SLC4A4: variants seen among roughly 807,000 people sequenced by gnomAD.
SLC4A4 encodes the protein solute carrier family 4 member 4.
In SLC4A4, 27 loss-of-function variants were observed where a neutral mutation model predicts 111.5. The ratio of observed to expected loss-of-function variants is 0.24; its 90% CI spans 0.18 to 0.33. The LOEUF (loss-of-function observed/expected upper bound fraction) is 0.33, where lower values mean the gene tolerates loss of function less well. Ranked by LOEUF, SLC4A4 falls within the 10% of genes least tolerant of loss-of-function variation. SLC4A4 has a pLI of 1.00. For synonymous variants in SLC4A4, 443 were observed against 463.4 expected (o/e 0.96, Z 0.57); for missense variants, 909 against 1,315.5 (o/e 0.69, Z 4.78).
chr4:71,140,073 AAGC>A (rs1743953682), intron 2 of SLC4A4, among the ~76,000 whole-genome samples: 1 of 152,052 alleles, frequency 6.6e-6, no homozygotes, highest in Admixed American at 6.5e-5. Flanking sequence ...TTTTCTAGTG[AAGC>A]TATTTTTAAA....
chr4:71,324,704 T>G (rs1013746281), intron 3 of SLC4A4, among the ~76,000 whole-genome samples: 1 of 152,074 alleles, frequency 6.6e-6, no homozygotes, highest in African/African-American at 2.4e-5. Flanking sequence ...TCTAAGTATC[T>G]TATAGATATG....
intron 1 of SLC4A4, among the ~76,000 whole-genome samples, chr4:71,220,704 TTTTA>T (rs1232800393): frequency 6.6e-6 from 1 of 152,060 alleles, no homozygotes; most frequent in Non-Finnish European, 1.5e-5. Context: ...TTTTATTTTA[TTTTA>T]TTTATTTTTT....
In SLC4A4 at chr4:71,569,944, A is replaced by T. The variant is rs1486510552; in HGVS notation, c.*2193A>T. On this transcript the variant is annotated 3_prime_UTR_variant, in exon 26 of 26. Coordinates refer to ENST00000264485, the MANE Select transcript of SLC4A4 (RefSeq NM_001098484.3). ...TGCCAAATTCTGGCTTCACATTTGT[A>T]TTTAGGGCTATCCTTAAAATGATGA... The T allele has an allele frequency of 6.6e-6, 1 of 151,722 alleles. No homozygotes were observed. Among genetic ancestry groups the T allele is most frequent in the Non-Finnish European group, 1.5e-5 (1 of 67,788 alleles). 9.4% of individuals were successfully genotyped at this position (151,722 alleles called of 1,614,324 possible).
At chr4:71,327,374 C>A (rs1727582787) in intron 3 of SLC4A4, among the ~76,000 whole-genome samples, 1 of 151,818 alleles carries the variant, frequency 6.6e-6, no homozygotes, top group African/African-American at 2.4e-5. Flanking sequence ...TGAGATTAAC[C>A]ATTAGAGTGT....
intron 3 of SLC4A4, among the ~76,000 whole-genome samples, chr4:71,310,149 G>C (rs1173370634): frequency 1.3e-5 from 2 of 151,882 alleles, no homozygotes; most frequent in Admixed American, 1.3e-4. Flanking sequence ...GAATGAAAAG[G>C]AATGAACAAA....
chr4:71,302,720 A>G (rs566895186), intron 3 of SLC4A4, among the ~76,000 whole-genome samples: 1 of 152,322 alleles, frequency 6.6e-6, no homozygotes, highest in South Asian at 2.1e-4. Flanking sequence ...CATCATTTCA[A>G]TGGTGACCTT....
At chr4:71,435,826 A>AT (rs1321720668) in intron 7 of SLC4A4, among the ~76,000 whole-genome samples, 11 of 152,266 alleles carry the variant, frequency 7.2e-5, no homozygotes, top group African/African-American at 2.4e-4. Context: ...ATCACTGGTC[A>AT]TTAAAGAAAT....
At chr4:71,234,977 AG>A (rs138954884) in intron 1 of SLC4A4, among the ~76,000 whole-genome samples, 4,053 of 152,332 alleles carry the variant, frequency 0.027, 83 homozygotes, top group Middle Eastern at 0.038. Flanking sequence ...GGAAGCAGAA[AG>A]GAAGGAAATT....
chr4:71,388,997 A>G (rs941477189), intron 6 of SLC4A4, among the ~76,000 whole-genome samples: 3 of 152,194 alleles, frequency 2.0e-5, no homozygotes, highest in African/African-American at 7.2e-5. Context: ...TGATATTGAG[A>G]TGTATTAGAC....
intron 2 of SLC4A4, among the ~76,000 whole-genome samples, chr4:71,247,744 C>A (rs1044952948): frequency 2.0e-5 from 3 of 152,116 alleles, no homozygotes; most frequent in Admixed American, 6.5e-5. Context: ...TGTCTGACAG[C>A]ATGTGTACTG....
At chr4:71,314,711 G>A (rs1726527828) in intron 3 of SLC4A4, among the ~76,000 whole-genome samples, 1 of 151,964 alleles carries the variant, frequency 6.6e-6, no homozygotes, top group Non-Finnish European at 1.5e-5. Context: ...AGTGGGAGTT[G>A]AATAATGATA....
At chr4:71,340,282 G>T (rs1052492267) in intron 4 of SLC4A4, among the ~76,000 whole-genome samples, 2 of 152,032 alleles carry the variant, frequency 1.3e-5, no homozygotes, top group African/African-American at 4.8e-5. Flanking sequence ...TTGCTCTTAT[G>T]GTAGTCCCCC....
At chr4:71,078,362 C>T (rs745500443) in intron 1 of SLC4A4, among the ~76,000 whole-genome samples, 3 of 151,960 alleles carry the variant, frequency 2.0e-5, no homozygotes, top group Non-Finnish European at 4.4e-5. Context: ...TAGGAAGACA[C>T]ATGTACATCA....
At chr4:71,477,469 C>A (rs1728474146) in intron 14 of SLC4A4, among the ~76,000 whole-genome samples, 2 of 151,676 alleles carry the variant, frequency 1.3e-5, no homozygotes, top group Admixed American at 6.6e-5. Flanking sequence ...AAATTAACAA[C>A]CAGTGTGCTG....
At chr4:71,366,328 T>TGC (rs1731313078) in intron 6 of SLC4A4, among the ~76,000 whole-genome samples, 1 of 151,030 alleles carries the variant, frequency 6.6e-6, no homozygotes, top group Admixed American at 6.6e-5. Context: ...TGTGTGTGTG[T>TGC]GTGTGTGTGT....
chr4:71,549,016 C>T (rs1434304871), intron 20 of SLC4A4, among the ~76,000 whole-genome samples: 1 of 151,862 alleles, frequency 6.6e-6, no homozygotes, highest in Non-Finnish European at 1.5e-5. Context: ...TAATTAATTT[C>T]TGACTGGATT....
chr4:71,440,143 C>G (rs1356066429), intron 7 of SLC4A4, among the ~76,000 whole-genome samples: 1 of 152,006 alleles, frequency 6.6e-6, no homozygotes, highest in African/African-American at 2.4e-5. Flanking sequence ...TAAGATAGTA[C>G]CTTTTTTACT....
intron 6 of SLC4A4, among the ~76,000 whole-genome samples, chr4:71,374,466 G>A (rs1046664640): frequency 5.9e-5 from 9 of 152,138 alleles, no homozygotes; most frequent in Non-Finnish European, 1.3e-4. Context: ...TTCAGAAATT[G>A]TATGTGGTAT....
intron 1 of SLC4A4, among the ~76,000 whole-genome samples, chr4:71,227,886 G>A (rs529951255): frequency 6.6e-6 from 1 of 152,312 alleles, no homozygotes; most frequent in Non-Finnish European, 1.5e-5. Context: ...AAACCTCTGA[G>A]AAAATGTTGG....
Sources: allele counts gnomAD v4.1 joint callset (sites outside exome capture counted in the v4.1 genomes callset), GRCh38; gene constraint gnomAD v4.1.1; transcripts MANE v1.5; gene names NCBI Gene and HGNC (gene_info 2026-07-23, HGNC 2026-07-21).